MITF: variants seen among roughly 807,000 people sequenced by gnomAD.
The protein encoded by MITF is melanocyte inducing transcription factor.
MITF carries 17 observed loss-of-function variants against 60.5 expected under a neutral mutation model. That is an observed-to-expected ratio of 0.28 (90% CI 0.19 to 0.42). The LOEUF is 0.42. MITF is among the 10% of genes least tolerant of loss of function. The pLI is 1.00. For synonymous variants in MITF, 260 were observed against 248.5 expected (o/e 1.05, Z -0.43); for missense variants, 622 against 683.5 (o/e 0.91, Z 1.00).
chr3:69,792,309 G>A (rs1435052138), intron 1 of MITF, among the ~76,000 whole-genome samples: 1 of 152,162 alleles, frequency 6.6e-6, no homozygotes, highest in Non-Finnish European at 1.5e-5. Context: ...TTGGTCAACA[G>A]CAGCACTCAC....
intron 2 of MITF, among the ~76,000 whole-genome samples, chr3:69,883,538 T>C (rs1039649212): frequency 6.6e-6 from 1 of 152,198 alleles, no homozygotes; most frequent in Non-Finnish European, 1.5e-5. Context: ...ATTTTTTAGG[T>C]ATAACACAGA....
chr3:69,789,016 A>G (rs1447596274), intron 1 of MITF, among the ~76,000 whole-genome samples: 3 of 152,180 alleles, frequency 2.0e-5, no homozygotes, highest in African/African-American at 7.2e-5. Context: ...TGGAAAAAAC[A>G]TAGTGATATT....
intron 1 of MITF, among the ~76,000 whole-genome samples, chr3:69,795,833 TTTAAA>T (rs1400660033): frequency 6.6e-6 from 1 of 152,240 alleles, no homozygotes; most frequent in East Asian, 1.9e-4. Context: ...AAGGCACGTA[TTTAAA>T]AAATATAAGT....
At chr3:69,866,416 G>T in intron 1 of MITF, 7 of 1,587,712 alleles carry the variant, frequency 4.4e-6, no homozygotes, top group Non-Finnish European at 6.0e-6. Flanking sequence ...TCTCTTTAAG[G>T]GGGAGGATAA....
At chr3:69,827,063 A>C (rs1222246137) in intron 1 of MITF, among the ~76,000 whole-genome samples, 2 of 152,126 alleles carry the variant, frequency 1.3e-5, no homozygotes, top group African/African-American at 4.8e-5. Flanking sequence ...ATTAGCCTAC[A>C]TCCTCCTCTT....
chr3:69,799,521 A>G (rs2062883400), intron 1 of MITF, among the ~76,000 whole-genome samples: 2 of 152,170 alleles, frequency 1.3e-5, no homozygotes, highest in Non-Finnish European at 2.9e-5. Flanking sequence ...TGCCACGTCT[A>G]TCTGTTTACA....
chr3:69,889,032 T>G (rs952448114), intron 2 of MITF, among the ~76,000 whole-genome samples: 3 of 144,594 alleles, frequency 2.1e-5, no homozygotes, highest in African/African-American at 5.1e-5. Flanking sequence ...TTGGTTTTTT[T>G]TTTTTTTTTT....
chr3:69,924,486 T>A (rs2065540613), intron 2 of MITF, among the ~76,000 whole-genome samples: 1 of 152,198 alleles, frequency 6.6e-6, no homozygotes, highest in Non-Finnish European at 1.5e-5. Context: ...ATCAAATACA[T>A]AAATATGTGT....
At chr3:69,955,355 T>TA (rs2066370434) in intron 7 of MITF, among the ~76,000 whole-genome samples, 2 of 152,220 alleles carry the variant, frequency 1.3e-5, no homozygotes, top group Non-Finnish European at 2.9e-5. Context: ...TATAATGGAT[T>TA]TAAGAAAATG....
chr3:69,815,306 G>A (rs554119721), intron 1 of MITF, among the ~76,000 whole-genome samples: 1 of 152,108 alleles, frequency 6.6e-6, no homozygotes, highest in Non-Finnish European at 1.5e-5. Flanking sequence ...CTAGTAATAA[G>A]GTTGACTCTG....
chr3:69,750,471 C>CTTTTT (rs199909971), intron 1 of MITF, among the ~76,000 whole-genome samples: 7 of 123,858 alleles, frequency 5.7e-5, no homozygotes, highest in African/African-American at 2.1e-4. Flanking sequence ...AGTGACACTC[C>CTTTTT]TTTTTTTTTT....
Position 69,796,453 on chromosome 3 carries a change from T to G in MITF, c.104+56752T>G, listed in dbSNP as rs570060232. On this transcript the variant is annotated intron_variant, in intron 1 of 9. Coordinates refer to ENST00000352241, the MANE Select transcript of MITF (RefSeq NM_001354604.2). Reference sequence around the variant, plus strand: ...AGGTAGTAAAACATTTAAAGCTGCTTGAATGCACAGCAGTTTGTGAAGCTT... The same window carrying G: ...AGGTAGTAAAACATTTAAAGCTGCTGGAATGCACAGCAGTTTGTGAAGCTT... 3.3e-5 allele frequency among the ~76,000 whole-genome samples: 5 copies of G among 151,764 alleles called. No homozygotes were observed. In the East Asian group the frequency reaches 5.8e-4, roughly 18 times the overall value.
rs564195062 is a variant in MITF at position 69,860,867 on chromosome 3, G to C, written c.105-18267G>C. On this transcript the variant is annotated intron_variant, in intron 1 of 9. Coordinates refer to ENST00000352241, the MANE Select transcript of MITF (RefSeq NM_001354604.2). The stretch of plus-strand genomic sequence containing the variant: ...CCTTGGTTTCCGGGGACAATGAGCT[G>C]TCTTTGAGAGGATGCTGTAATATCA... Among the ~76,000 whole-genome samples the C allele has an allele frequency of 1.2e-4, 19 of 152,286 alleles. No homozygotes were observed. The South Asian group carries it at 3.7e-3, about 30-fold the overall frequency.
intron 1 of MITF, among the ~76,000 whole-genome samples, chr3:69,878,759 C>A (rs886413826): frequency 1.3e-5 from 2 of 151,908 alleles, no homozygotes; most frequent in African/African-American, 4.8e-5. Context: ...AAAAGCAAAT[C>A]AAGCAATTTA....
chr3:69,873,504 A>G (rs2064284089), intron 1 of MITF, among the ~76,000 whole-genome samples: 1 of 152,142 alleles, frequency 6.6e-6, no homozygotes, highest in Non-Finnish European at 1.5e-5. Context: ...CCTTTCATTT[A>G]TGATAAAGCA....
At chr3:69,888,544 G>T (rs1000834810) in intron 2 of MITF, among the ~76,000 whole-genome samples, 1 of 151,750 alleles carries the variant, frequency 6.6e-6, no homozygotes, top group African/African-American at 2.4e-5. Context: ...GGATCAAGCC[G>T]TAGACGTACA....
intron 2 of MITF, among the ~76,000 whole-genome samples, chr3:69,920,729 C>T (rs1047039145): frequency 2.6e-5 from 4 of 152,170 alleles, no homozygotes; most frequent in Admixed American, 1.3e-4. Context: ...TGCAGCCAGA[C>T]ATTCGGGGCC....
At chr3:69,849,848 T>C (rs560962822) in intron 1 of MITF, among the ~76,000 whole-genome samples, 4 of 152,338 alleles carry the variant, frequency 2.6e-5, no homozygotes, top group South Asian at 2.1e-4. Flanking sequence ...GCCTGACTTA[T>C]ATACCTCTCA....
intron 2 of MITF, among the ~76,000 whole-genome samples, chr3:69,923,128 C>T (rs1211085248): frequency 6.6e-6 from 1 of 152,146 alleles, no homozygotes; most frequent in Non-Finnish European, 1.5e-5. Flanking sequence ...TGAACAGTTT[C>T]AAAAGCAGAA....
Sources: allele counts gnomAD v4.1 joint callset (sites outside exome capture counted in the v4.1 genomes callset), GRCh38; gene constraint gnomAD v4.1.1; transcripts MANE v1.5; gene names NCBI Gene and HGNC (gene_info 2026-07-23, HGNC 2026-07-21).